The following HIPK2 variants were observed in gnomAD, a reference collection of about 807,000 sequenced individuals.
HIPK2 encodes homeodomain-interacting protein kinase 2.
HIPK2 carries 27 observed loss-of-function variants against 113.7 expected under a neutral mutation model. The ratio of observed to expected loss-of-function variants is 0.24; its 90% CI spans 0.17 to 0.33. The LOEUF (loss-of-function observed/expected upper bound fraction) is 0.33, where lower values mean the gene tolerates loss of function less well. HIPK2 is among the 10% of genes least tolerant of loss of function. HIPK2 has a pLI of 1.00. For missense variants in HIPK2, 1,257 were observed against 1,588.0 expected (o/e 0.79, Z 3.54); for synonymous variants, 631 against 642.2 (o/e 0.98, Z 0.26).
chr7:139,668,778 C>T (rs1255862399), intron 2 of HIPK2, among the ~76,000 whole-genome samples: 2 of 152,140 alleles, frequency 1.3e-5, no homozygotes, highest in Admixed American at 1.3e-4. Flanking sequence ...GTTACAGTTG[C>T]ACATTAAATT....
intron 5 of HIPK2, 35 bp from the exon 6 acceptor site, chr7:139,626,820 C>A (rs758005089): frequency 6.2e-7 from 1 of 1,609,812 alleles, no homozygotes; most frequent in Non-Finnish European, 8.5e-7. Context: ...CCAAGGAAGA[C>A]CCCAGCGTGC....
At position 139,568,675 on chromosome 7, in the gene HIPK2, G is replaced by C. The variant is rs1425732865; in HGVS notation, c.*4252C>G. 3 of 152,230 alleles carry C rather than the reference G, an allele frequency of 2.0e-5. No individual in the cohort carries two copies. The highest frequency in any genetic ancestry group is 3.9e-4 in the East Asian group (2 of 5,192). The allele number at this position is 152,230 out of a possible 1,614,324, so 9.4% of individuals were successfully genotyped here. A position where few individuals can be genotyped will look rare whatever the true frequency, so the allele number is the denominator to read the frequency against. On this transcript the variant is annotated 3_prime_UTR_variant, in exon 15 of 15. Coordinates refer to ENST00000406875, the MANE Select transcript of HIPK2 (RefSeq NM_022740.5). ...GATTCGTGGGCTAAGTAAGGACTAGGTTGGCATCCCTCTGCTTGAGAGCTT... is the reference window on the plus strand; with the variant it reads ...GATTCGTGGGCTAAGTAAGGACTAGCTTGGCATCCCTCTGCTTGAGAGCTT...
chr7:139,744,393 T>C (rs1796156345), intron 1 of HIPK2, among the ~76,000 whole-genome samples: 1 of 152,004 alleles, frequency 6.6e-6, no homozygotes, highest in African/African-American at 2.4e-5. Flanking sequence ...GAAAATAGAT[T>C]AGTGGTTGCC....
intron 2 of HIPK2, among the ~76,000 whole-genome samples, chr7:139,701,727 T>C (rs1184664718): frequency 3.9e-5 from 6 of 152,236 alleles, no homozygotes; most frequent in African/African-American, 9.6e-5. Context: ...AGATGGATTA[T>C]ACTAAACGCA....
chr7:139,611,340 A>G (rs1192380377), intron 9 of HIPK2, among the ~76,000 whole-genome samples: 4 of 152,224 alleles, frequency 2.6e-5, no homozygotes, highest in Non-Finnish European at 5.9e-5. Flanking sequence ...ATTAAAAAGC[A>G]TATCATATCA....
rs557116140 is a variant in HIPK2, at chr7:139,613,691, T to C, written c.1991-368A>G. On this transcript the variant is annotated intron_variant, in intron 8 of 14. Coordinates refer to ENST00000406875, the MANE Select transcript of HIPK2 (RefSeq NM_022740.5). This position sits in a 1 kb window ranked among gnomAD's most constrained non-coding sequence, Gnocchi z 4.2. ...GGGAGATGTATGAACCCATTTGGAA[T>C]TGCATTGACTGTAACCACACAGTTT... Among the ~76,000 whole-genome samples, 7 of 152,296 alleles carry C rather than the reference T, an allele frequency of 4.6e-5. No individual in the cohort carries two copies. In the South Asian group the frequency reaches 1.4e-3, roughly 32 times the overall value.
intron 1 of HIPK2, among the ~76,000 whole-genome samples, chr7:139,741,177 G>A (rs982511194): frequency 8.5e-5 from 13 of 152,188 alleles, no homozygotes; most frequent in African/African-American, 2.9e-4. Flanking sequence ...AGTTAAGCAA[G>A]CTTGGGGGTT....
At chr7:139,734,343 C>T (rs981335590) in intron 1 of HIPK2, among the ~76,000 whole-genome samples, 2 of 152,174 alleles carry the variant, frequency 1.3e-5, no homozygotes, top group Non-Finnish European at 1.5e-5. Context: ...GTGGAAGGCA[C>T]GGGATCTTCA....
At chr7:139,627,761 G>C (rs928484455) in intron 5 of HIPK2, among the ~76,000 whole-genome samples, 2 of 152,148 alleles carry the variant, frequency 1.3e-5, no homozygotes, top group African/African-American at 4.8e-5. Context: ...AACTCACTTT[G>C]GGTTGCCCTG....
intron 1 of HIPK2, among the ~76,000 whole-genome samples, chr7:139,752,410 C>A (rs532630086): frequency 6.6e-6 from 1 of 152,158 alleles, no homozygotes; most frequent in Non-Finnish European, 1.5e-5. Context: ...TCTGTCCGGC[C>A]GTGCAGAGTC....
chr7:139,714,174 A>T lies in HIPK2; in HGVS notation c.1103+1758T>A, dbSNP rs942349009. Among the ~76,000 whole-genome samples the T allele has an allele frequency of 2.6e-5, 4 of 152,180 alleles. No individual in the cohort carries two copies. Among genetic ancestry groups the T allele is most frequent in the African/African-American group, 7.2e-5 (3 of 41,438 alleles). On this transcript the variant is annotated intron_variant, in intron 2 of 14. Coordinates refer to ENST00000406875, the MANE Select transcript of HIPK2 (RefSeq NM_022740.5). This position sits in a 1 kb window ranked among gnomAD's most constrained non-coding sequence, Gnocchi z 4.2. ...GGCCTGTGGAGACCTTTCTGCGCATAGGAAATGAGCGGGAAAGGAATCCTC... is the reference window on the plus strand; with the variant it reads ...GGCCTGTGGAGACCTTTCTGCGCATTGGAAATGAGCGGGAAAGGAATCCTC...
intron 1 of HIPK2, among the ~76,000 whole-genome samples, chr7:139,731,370 T>C (rs777282519): frequency 2.6e-5 from 4 of 152,232 alleles, no homozygotes; most frequent in Non-Finnish European, 4.4e-5. Flanking sequence ...TATTTGTTCA[T>C]TGTGATTGAG....
intron 1 of HIPK2, among the ~76,000 whole-genome samples, chr7:139,731,610 ATTTC>A (rs1422378433): frequency 2.0e-5 from 3 of 152,142 alleles, no homozygotes; most frequent in Non-Finnish European, 4.4e-5. Flanking sequence ...ATGTTTATGT[ATTTC>A]TTTGAGCATT....
chr7:139,756,743 G>A (rs1304971259), intron 1 of HIPK2, among the ~76,000 whole-genome samples: 1 of 152,144 alleles, frequency 6.6e-6, no homozygotes, highest in African/African-American at 2.4e-5. Flanking sequence ...TTTTTGTAGA[G>A]CAGTTTTAGT....
At chr7:139,652,702 C>T (rs1324957194) in intron 2 of HIPK2, among the ~76,000 whole-genome samples, 1 of 152,168 alleles carries the variant, frequency 6.6e-6, no homozygotes, top group Non-Finnish European at 1.5e-5. Flanking sequence ...GACTCCACTC[C>T]AGGCTGGGAA....
Position 139,573,283 on chromosome 7 carries a change from C to A in HIPK2, c.3241G>T (p.Gly1081Cys). 6.2e-7 allele frequency: 1 copy of A among 1,604,912 alleles called. No homozygotes were observed. Among genetic ancestry groups the A allele is most frequent in the East Asian group, 2.2e-5 (1 of 44,852 alleles). The change falls in exon 15 of 15, where the codon GGC (glycine) becomes TGC (cysteine). Residue 1081 changes from glycine to cysteine, a missense_variant. Coordinates refer to ENST00000406875, the MANE Select transcript of HIPK2 (RefSeq NM_022740.5). ...GCAGCCAGATGCGGGTGCACAGTGC[C>A]GTGGCTGGGGCTGTTGTGCGGGAAG... is the stretch of plus-strand genomic sequence containing the variant. ...YSFPHNSPSH[G>C]TVHPHLAAAA...
At chr7:139,703,762 A>ACAC (rs1554447479) in intron 2 of HIPK2, among the ~76,000 whole-genome samples, 4 of 129,432 alleles carry the variant, frequency 3.1e-5, no homozygotes, top group Admixed American at 7.8e-5. Context: ...ACACACACAC[A>ACAC]CCCACACACT....
At chr7:139,681,729 T>C (rs1802706967) in intron 2 of HIPK2, among the ~76,000 whole-genome samples, 1 of 152,136 alleles carries the variant, frequency 6.6e-6, no homozygotes, top group African/African-American at 2.4e-5. Flanking sequence ...AAAAATATTC[T>C]CACTTTAAGG....
rs1222294028 is a variant in HIPK2, at chr7:139,565,635, TGAGAA to T, written c.*7287_*7291del. Reference sequence around the variant, plus strand: ...GTTTATACAATTGTTGCTATTTCTTTGAGAAGAGTATCTCAAAAGAAAACATTCTT... The same window carrying T: ...GTTTATACAATTGTTGCTATTTCTTTGAGTATCTCAAAAGAAAACATTCTT... On this transcript the variant is annotated 3_prime_UTR_variant, in exon 15 of 15. Transcript: ENST00000406875. The T allele has an allele frequency of 1.3e-5, 2 of 152,184 alleles. No homozygotes were observed. The highest frequency in any genetic ancestry group is 2.9e-5 in the Non-Finnish European group (2 of 68,032). 9.4% of individuals were successfully genotyped at this position (152,184 alleles called of 1,614,324 possible).
Sources: allele counts gnomAD v4.1 joint callset (sites outside exome capture counted in the v4.1 genomes callset), GRCh38; gene constraint gnomAD v4.1.1; non-coding constraint Gnocchi (gnomAD v3.1); transcripts MANE v1.5; gene names NCBI Gene and HGNC (gene_info 2026-07-23, HGNC 2026-07-21).